Variants in EDIL3 observed in about 807,000 individuals in gnomAD.
The protein encoded by EDIL3 is EGF-like repeat and discoidin I-like domain-containing protein 3.
In EDIL3, 37 loss-of-function variants were observed where a neutral mutation model predicts 67.4. The observed-to-expected ratio is 0.55, with a 90% CI of 0.42 to 0.72. The LOEUF is 0.72. Ranked by LOEUF, EDIL3 falls within the 30% of genes least tolerant of loss-of-function variation. EDIL3 has a pLI of 0.00. For missense variants in EDIL3, 527 were observed against 586.3 expected, an observed-to-expected ratio of 0.90 and a Z score of 1.04; for synonymous variants, 195 against 196.3, an observed-to-expected ratio of 0.99 and a Z score of 0.05.
At chr5:83,964,435 C>A (rs977816901) in intron 9 of EDIL3, among the ~76,000 whole-genome samples, 5 of 151,870 alleles carry the variant, frequency 3.3e-5, no homozygotes, top group African/African-American at 1.2e-4. Flanking sequence ...CTGTCATGAT[C>A]CCATGTGTGA....
At chr5:84,175,779 A>C (rs1434828290) in intron 4 of EDIL3, among the ~76,000 whole-genome samples, 3 of 152,160 alleles carry the variant, frequency 2.0e-5, no homozygotes, top group Non-Finnish European at 4.4e-5. Context: ...GTCATTCCTT[A>C]AGTCAGTAAT....
At chr5:84,331,316 T>C (rs961347800) in intron 1 of EDIL3, among the ~76,000 whole-genome samples, 11 of 152,110 alleles carry the variant, frequency 7.2e-5, no homozygotes, top group African/African-American at 2.7e-4. Context: ...GGCCCAGGGA[T>C]GGACTGATAT....
At chr5:84,363,351 G>A (rs897582332) in intron 1 of EDIL3, among the ~76,000 whole-genome samples, 2 of 151,628 alleles carry the variant, frequency 1.3e-5, no homozygotes, top group Admixed American at 6.6e-5. Flanking sequence ...TCGGGAGGCT[G>A]AGGCAGGAGA....
chr5:84,350,946 CT>C lies in EDIL3; in HGVS notation c.67+33361del, dbSNP rs554697190. Among the ~76,000 whole-genome samples the C allele has an allele frequency of 2.2e-4, 34 of 151,974 alleles. No individual in the cohort carries two copies. In the East Asian group the frequency reaches 6.2e-3, roughly 28 times the overall value. ...ATATGTAAATTAATGATATATTTTT[CT>C]TCTTTGGTACTGAGTCTTTGGGATC... On this transcript the variant is annotated intron_variant, in intron 1 of 10. Transcript: ENST00000296591.
At chr5:84,091,503 T>A (rs1747165555) in intron 6 of EDIL3, among the ~76,000 whole-genome samples, 1 of 152,238 alleles carries the variant, frequency 6.6e-6, no homozygotes, top group African/African-American at 2.4e-5. Context: ...TTTAAATTAA[T>A]AGCCTCTTCA....
intron 1 of EDIL3, among the ~76,000 whole-genome samples, chr5:84,326,548 T>C (rs532583780): frequency 1.1e-4 from 17 of 152,122 alleles, no homozygotes; most frequent in African/African-American, 4.1e-4. Context: ...TTATGGTATG[T>C]ATATTTTACC....
intron 9 of EDIL3, among the ~76,000 whole-genome samples, chr5:84,004,553 T>C (rs570045018): frequency 1.3e-3 from 193 of 152,162 alleles, no homozygotes; most frequent in Non-Finnish European, 2.5e-3. Flanking sequence ...ACCATAAAAT[T>C]ACATGGAAAT....
intron 1 of EDIL3, among the ~76,000 whole-genome samples, chr5:84,290,102 C>T (rs1745883411): frequency 6.6e-6 from 1 of 152,056 alleles, no homozygotes; most frequent in Non-Finnish European, 1.5e-5. Context: ...CCTGAAAGCT[C>T]ACAAGTTAGT....
chr5:84,042,652 AT>A (rs918746457), intron 9 of EDIL3, among the ~76,000 whole-genome samples: 28 of 152,030 alleles, frequency 1.8e-4, no homozygotes, highest in Admixed American at 5.2e-4. Flanking sequence ...CTTCCTTTAA[AT>A]TTTTTTTATT....
At chr5:84,192,872 C>A (rs981215557) in intron 3 of EDIL3, among the ~76,000 whole-genome samples, 1 of 151,854 alleles carries the variant, frequency 6.6e-6, no homozygotes. Flanking sequence ...GCCCCAATAA[C>A]CTATTAATAA....
At chr5:84,143,160 A>C (rs1056352976) in intron 4 of EDIL3, among the ~76,000 whole-genome samples, 1 of 152,060 alleles carries the variant, frequency 6.6e-6, no homozygotes. Flanking sequence ...TCTCCCACTC[A>C]GATGCTGAAC....
At chr5:84,166,224 A>C (rs1376847017) in intron 4 of EDIL3, among the ~76,000 whole-genome samples, 1 of 152,214 alleles carries the variant, frequency 6.6e-6, no homozygotes, top group African/African-American at 2.4e-5. Flanking sequence ...GGAGGAGATG[A>C]GGTACCGTGT....
At position 83,945,482 on chromosome 5, in the gene EDIL3, T is replaced by A. The variant is rs1028800808; in HGVS notation, c.1294-1914A>T. 9.9e-5 allele frequency among the ~76,000 whole-genome samples: 15 copies of A among 151,972 alleles called. 1 individual carries two copies. On this transcript the variant is annotated intron_variant, in intron 10 of 10. Transcript: ENST00000296591. ...TATCTCTGGGATAATAGAGTTTAAA[T>A]TCATTAACTTTCATTGCAAGATTTA...
chr5:84,168,279 GT>G (rs1489577502), intron 4 of EDIL3, among the ~76,000 whole-genome samples: 4 of 151,838 alleles, frequency 2.6e-5, no homozygotes, highest in African/African-American at 9.7e-5. Flanking sequence ...CTTCTGTTAT[GT>G]TTTCTTTAAA....
intron 6 of EDIL3, among the ~76,000 whole-genome samples, chr5:84,073,187 G>A (rs948238349): frequency 1.3e-5 from 2 of 152,026 alleles, no homozygotes; most frequent in Non-Finnish European, 2.9e-5. Context: ...GGTATTGATG[G>A]GACGTATCTC....
Position 84,106,805 on chromosome 5 carries a change from T to C in EDIL3, c.495A>G (p.Glu165=), listed in dbSNP as rs1388194150. Residue 165 remains glutamate, a synonymous_variant, in exon 6 of 11, where the codon GAA becomes GAG. Coordinates refer to ENST00000296591, the MANE Select transcript of EDIL3 (RefSeq NM_005711.5). ...QYKCSGPLGI[E]GGIISNQQIT... ...TTTGCTGGTTTGATATAATTCCACC[T>C]TCAATTCCCAGTGGGCCTGAGCATT... 5.0e-6 allele frequency: 8 copies of C among 1,608,530 alleles called. No individual in the cohort carries two copies. Among genetic ancestry groups the C allele is most frequent in the Non-Finnish European group, 6.8e-6 (8 of 1,178,116 alleles).
At chr5:84,232,302 T>C in intron 2 of EDIL3, among the ~76,000 whole-genome samples, 1 of 152,108 alleles carries the variant, frequency 6.6e-6, no homozygotes, top group South Asian at 2.1e-4. Flanking sequence ...AGAAATGGAG[T>C]TCTTTGGAAG....
chr5:84,345,445 T>C (rs949953606), intron 1 of EDIL3, among the ~76,000 whole-genome samples: 1 of 152,040 alleles, frequency 6.6e-6, no homozygotes, highest in Non-Finnish European at 1.5e-5. Flanking sequence ...ATGACTTAGG[T>C]TGAATTTAAG....
intron 1 of EDIL3, among the ~76,000 whole-genome samples, chr5:84,384,023 TC>T (rs1748158980): frequency 6.6e-6 from 1 of 151,552 alleles, no homozygotes; most frequent in South Asian, 2.1e-4. Flanking sequence ...AGCCACAGAG[TC>T]GCTGGTCCTG....
Sources: gnomAD v4.1 joint callset for allele counts (sites outside exome capture counted in the v4.1 genomes callset) on GRCh38, gnomAD v4.1.1 for gene constraint, MANE v1.5 for transcripts, NCBI Gene and HGNC (gene_info 2026-07-23, HGNC 2026-07-21) for gene names.